Variants in UBQLN4 observed in about 807,000 individuals in gnomAD.
UBQLN4 encodes the protein ubiquilin 4, also known as ubiquilin-4.
UBQLN4 carries 11 observed loss-of-function variants against 60.4 expected under a neutral mutation model. That is an observed-to-expected ratio of 0.18 (90% CI 0.11 to 0.30). UBQLN4 has a LOEUF of 0.30. UBQLN4 is among the 10% of genes least tolerant of loss of function. The pLI, the probability that UBQLN4 is intolerant of heterozygous loss-of-function variation, is 1.00. For synonymous variants in UBQLN4, 258 were observed against 313.1 expected (o/e 0.82, Z 1.86); for missense variants, 417 against 795.5 (o/e 0.52, Z 5.72).
chr1:156,049,625 A>G (rs539546440), intron 4 of UBQLN4, among the ~76,000 whole-genome samples: 1 of 152,344 alleles, frequency 6.6e-6, no homozygotes, highest in South Asian at 2.1e-4. Context: ...TATTTACTGC[A>G]TGACTACCAC....
intron 9 of UBQLN4, 50 bp from the exon 10 acceptor site, chr1:156,041,721 T>A: frequency 6.8e-7 from 1 of 1,465,408 alleles, no homozygotes; most frequent in Non-Finnish European, 9.0e-7. Context: ...AAGAAAGGGA[T>A]GAGAATGTGA....
At chr1:156,033,806 TGCACTCTA>T (rs367629940), downstream of UBQLN4, among the ~76,000 whole-genome samples, 55 of 149,168 alleles carry the variant, frequency 3.7e-4, no homozygotes, top group African/African-American at 1.3e-3. Context: ...ATTGCATCAC[TGCACTCTA>T]GCCTGGGTGA....
At chr1:156,047,156 G>T (rs1247055805) in intron 5 of UBQLN4, among the ~76,000 whole-genome samples, 1 of 152,096 alleles carries the variant, frequency 6.6e-6, no homozygotes, top group Non-Finnish European at 1.5e-5. Flanking sequence ...GAAACAGAGG[G>T]ATCCCTTCTG....
Position 156,035,965 on chromosome 1 carries a change from C to T in UBQLN4, c.*1013G>A. 1.0e-6 allele frequency: 1 copy of T among 985,780 alleles called. No homozygotes were observed. Among genetic ancestry groups the T allele is most frequent in the Non-Finnish European group, 1.2e-6 (1 of 830,130 alleles). 61.1% of individuals were successfully genotyped at this position (985,780 alleles called of 1,614,324 possible). ...ACACAGACCCCAACCCCCTTCATGTCTTTTGAGGGGGGCTCAAACTACTGG... is the reference window on the plus strand; with the variant it reads ...ACACAGACCCCAACCCCCTTCATGTTTTTTGAGGGGGGCTCAAACTACTGG... On this transcript the variant is annotated 3_prime_UTR_variant, in exon 11 of 11. Transcript: ENST00000368309.
intron 1 of UBQLN4, among the ~76,000 whole-genome samples, chr1:156,052,099 C>T (rs1313420492): frequency 6.6e-6 from 1 of 152,146 alleles, no homozygotes; most frequent in East Asian, 1.9e-4. Flanking sequence ...CTAGAAAGCC[C>T]CTGCTGCTAT....
At chr1:156,044,333 G>C (rs1683644647) in intron 5 of UBQLN4, 110 bp from the exon 6 acceptor site, 1 of 989,186 alleles carries the variant, frequency 1.0e-6, no homozygotes, top group Non-Finnish European at 1.5e-6. Flanking sequence ...AAAAGGGAGA[G>C]AGATCTAAGA....
intron 2 of UBQLN4, 108 bp downstream of exon 2, chr1:156,051,598 T>C: frequency 6.7e-7 from 1 of 1,492,072 alleles, no homozygotes; most frequent in Non-Finnish European, 9.1e-7. Context: ...AGGAGCTACC[T>C]GCCTGGGCCT....
chr1:156,033,591 C>T (rs1683331932), downstream of UBQLN4, among the ~76,000 whole-genome samples: 1 of 152,050 alleles, frequency 6.6e-6, no homozygotes, highest in South Asian at 2.1e-4. Context: ...GCCTGTGATC[C>T]CAGCACTTTG....
At chr1:156,045,328 T>C (rs932695842) in intron 5 of UBQLN4, among the ~76,000 whole-genome samples, 1 of 152,242 alleles carries the variant, frequency 6.6e-6, no homozygotes, top group Non-Finnish European at 1.5e-5. Flanking sequence ...TCATGCACCA[T>C]GGTTTCAGCC....
At chr1:156,033,890 A>G (rs1197300015), downstream of UBQLN4, among the ~76,000 whole-genome samples, 1 of 151,532 alleles carries the variant, frequency 6.6e-6, no homozygotes, top group Non-Finnish European at 1.5e-5. Flanking sequence ...AACAAAAAAA[A>G]CCACAGCTCA....
chr1:156,052,655 G>A (rs775762728), intron 1 of UBQLN4, among the ~76,000 whole-genome samples: 82 of 152,222 alleles, frequency 5.4e-4, no homozygotes, highest in Middle Eastern at 3.4e-3. Flanking sequence ...GAAAACTGAG[G>A]ATCAGCGAGG....
intron 5 of UBQLN4, among the ~76,000 whole-genome samples, chr1:156,047,335 C>T (rs1393071407): frequency 6.6e-6 from 1 of 151,458 alleles, no homozygotes; most frequent in Non-Finnish European, 1.5e-5. Flanking sequence ...CCTCTGCCTC[C>T]CGGGTTCAAG....
rs915990390 is a variant in UBQLN4 at position 156,041,704 on chromosome 1, G to A, written c.1467-33C>T. On this transcript the variant is annotated intron_variant, in intron 9 of 10. Transcript: ENST00000368309. Reference sequence around the variant, plus strand: ...CAAGAGAGACCAAGAGGTAGGAGATGGCATCCAAGAAAGGGATGAGAATGT... The same window carrying A: ...CAAGAGAGACCAAGAGGTAGGAGATAGCATCCAAGAAAGGGATGAGAATGT... The A allele has an allele frequency of 2.2e-5, 33 of 1,481,852 alleles. No individual in the cohort carries two copies. The Middle Eastern group carries it at 8.9e-4, about 40-fold the overall frequency. 91.8% of individuals were successfully genotyped at this position (1,481,852 alleles called of 1,614,324 possible).
At position 156,048,685 on chromosome 1, in the gene UBQLN4, G is replaced by A. The variant is rs749511319; in HGVS notation, c.742-26C>T. The A allele has an allele frequency of 1.9e-6, 3 of 1,604,702 alleles. No individual in the cohort carries two copies. In the East Asian group the frequency reaches 6.7e-5, roughly 36 times the overall value. ...CTGATCAAGGGAGAGAGACAAAATG[G>A]GCCCCGGAACCAGGGGAGCACCAAC... On this transcript the variant is annotated intron_variant, in intron 4 of 10. Coordinates refer to ENST00000368309, the MANE Select transcript of UBQLN4 (RefSeq NM_020131.5). This position sits in a 1 kb window ranked among gnomAD's most constrained non-coding sequence, Gnocchi z 4.9.
intron 10 of UBQLN4, among the ~76,000 whole-genome samples, chr1:156,039,730 G>A (rs1023906780): frequency 2.0e-5 from 3 of 151,480 alleles, no homozygotes; most frequent in Non-Finnish European, 4.4e-5. Flanking sequence ...GAGGTCAGGC[G>A]ATCGAGACCA....
chr1:156,039,605 G>A (rs1206673706), intron 10 of UBQLN4, among the ~76,000 whole-genome samples: 2 of 152,016 alleles, frequency 1.3e-5, no homozygotes, highest in African/African-American at 4.8e-5. Flanking sequence ...GTTTGCCCAA[G>A]GGGTATTTGG....
chr1:156,041,300 T>C (rs1683556552), intron 10 of UBQLN4, among the ~76,000 whole-genome samples, 185 bp downstream of exon 10: 1 of 152,234 alleles, frequency 6.6e-6, no homozygotes. Flanking sequence ...ATTACTCTTC[T>C]CATCTCTATT....
downstream of UBQLN4, chr1:156,035,190 T>C (rs1257992057): frequency 1.1e-6 from 1 of 909,004 alleles, no homozygotes; most frequent in Non-Finnish European, 1.3e-6. Context: ...TTAACATCTG[T>C]AGTAACTGAA....
At chr1:156,043,154 C>G (rs542586548) in intron 6 of UBQLN4, among the ~76,000 whole-genome samples, 1 of 152,318 alleles carries the variant, frequency 6.6e-6, no homozygotes, top group South Asian at 2.1e-4. Context: ...CAGCTAGGAA[C>G]TGGGTCTGAT....
Sources: allele counts gnomAD v4.1 joint callset (sites outside exome capture counted in the v4.1 genomes callset), GRCh38; gene constraint gnomAD v4.1.1; non-coding constraint Gnocchi (gnomAD v3.1); transcripts MANE v1.5; gene names NCBI Gene and HGNC (gene_info 2026-07-23, HGNC 2026-07-21).